The following FSHR variants were observed in gnomAD, a reference collection of about 807,000 sequenced individuals.
FSHR encodes the protein follicle stimulating hormone receptor, also known as follicle-stimulating hormone receptor.
Under a neutral mutation model 52.1 loss-of-function variants are expected in FSHR, and 46 were observed. That is an observed-to-expected ratio of 0.88 (90% CI 0.70 to 1.13). The LOEUF is 1.13. FSHR is among the 50% of genes most tolerant of loss of function. FSHR has a pLI of 0.00. For synonymous variants in FSHR, 399 were observed against 309.6 expected, an observed-to-expected ratio of 1.29 and a Z score of -3.03; for missense variants, 964 against 834.6, an observed-to-expected ratio of 1.16 and a Z score of -1.91.
intron 2 of FSHR, among the ~76,000 whole-genome samples, chr2:49,033,409 C>G (rs1457494673): frequency 6.6e-6 from 1 of 152,132 alleles, no homozygotes; most frequent in African/African-American, 2.4e-5. Context: ...GTTGGTTTTT[C>G]TTTCTTCTAG....
intron 8 of FSHR, among the ~76,000 whole-genome samples, chr2:48,976,869 C>G (rs955376064): frequency 2.6e-5 from 4 of 152,060 alleles, no homozygotes; most frequent in African/African-American, 4.8e-5. Flanking sequence ...TGATTCTTCT[C>G]TCTTTTATTC....
At chr2:49,015,417 T>C (rs1440410265) in intron 4 of FSHR, among the ~76,000 whole-genome samples, 1 of 152,208 alleles carries the variant, frequency 6.6e-6, no homozygotes, top group African/African-American at 2.4e-5. Flanking sequence ...ATAATTATTC[T>C]ACAAATACAT....
At chr2:49,018,556 G>A (rs2104214895) in intron 3 of FSHR, among the ~76,000 whole-genome samples, 1 of 152,308 alleles carries the variant, frequency 6.6e-6, no homozygotes, top group African/African-American at 2.4e-5. Flanking sequence ...CCATTGAAAT[G>A]TTTCAAGGGA....
At chr2:49,100,489 T>A (rs943241514) in intron 1 of FSHR, among the ~76,000 whole-genome samples, 4 of 152,164 alleles carry the variant, frequency 2.6e-5, no homozygotes, top group African/African-American at 7.2e-5. Flanking sequence ...TGGAAAAGAA[T>A]TTTCATTCTG....
chr2:49,131,406 G>C (rs1347716318), intron 1 of FSHR, among the ~76,000 whole-genome samples: 1 of 152,132 alleles, frequency 6.6e-6, no homozygotes, highest in Non-Finnish European at 1.5e-5. Context: ...AGTGTGATCT[G>C]AGCTAGTCCA....
In FSHR at chr2:49,001,965, T is replaced by C. The variant is rs1003262042; in HGVS notation, c.375-11328A>G. Among the ~76,000 whole-genome samples, 4 of 152,256 alleles carry C rather than the reference T, an allele frequency of 2.6e-5. No homozygotes were observed. The East Asian group carries it at 5.8e-4, about 22-fold the overall frequency. On this transcript the variant is annotated intron_variant, in intron 4 of 9. Transcript: ENST00000406846. ...TGGAAGGTAACTTGGGTGAACAGAA[T>C]GCTTAGTTCAGAATCTGCCATCTAG...
intron 4 of FSHR, among the ~76,000 whole-genome samples, chr2:48,998,103 G>A (rs1676102825): frequency 6.6e-6 from 1 of 152,058 alleles, no homozygotes; most frequent in South Asian, 2.1e-4. Flanking sequence ...ACTACCTAGA[G>A]TTGATAAATT....
In FSHR at chr2:49,144,090, C is replaced by A. The variant is rs1504180; in HGVS notation, c.152+10176G>T. Among the ~76,000 whole-genome samples, 9 of 151,896 alleles carry A rather than the reference C, an allele frequency of 5.9e-5. No individual in the cohort carries two copies. The East Asian group carries it at 7.8e-4, about 13-fold the overall frequency. ...ACTTGAGGATGCCAGGTGCCACTTA[C>A]GACTGTTGGATGCTGAGACCCTAGT... On this transcript the variant is annotated intron_variant, in intron 1 of 9. Coordinates refer to ENST00000406846, the MANE Select transcript of FSHR (RefSeq NM_000145.4).
At chr2:49,101,347 G>A (rs1425299254) in intron 1 of FSHR, among the ~76,000 whole-genome samples, 1 of 152,040 alleles carries the variant, frequency 6.6e-6, no homozygotes, top group African/African-American at 2.4e-5. Flanking sequence ...ATAATAGGGT[G>A]GAGTCCCTCC....
intron 8 of FSHR, among the ~76,000 whole-genome samples, chr2:48,982,576 G>A (rs954337306): frequency 6.6e-6 from 1 of 152,080 alleles, no homozygotes; most frequent in Admixed American, 6.6e-5. Context: ...ACCTCTCCAG[G>A]GAAGCCAGTT....
intron 8 of FSHR, among the ~76,000 whole-genome samples, chr2:48,974,727 G>T (rs1194176972): frequency 3.5e-5 from 5 of 142,602 alleles, no homozygotes; most frequent in Non-Finnish European, 7.6e-5. Context: ...TATCTCCATG[G>T]ATTAAGAAAA....
At chr2:49,021,880 TATATATAGAGAGA>T (rs1667728688) in intron 2 of FSHR, among the ~76,000 whole-genome samples, 1 of 51,304 alleles carries the variant, frequency 1.9e-5, no homozygotes, top group Non-Finnish European at 3.9e-5. Flanking sequence ...TATATATATA[TATATATAGAGAGA>T]GAGAGAGAGA....
intron 4 of FSHR, among the ~76,000 whole-genome samples, chr2:48,990,976 C>T (rs1675747385): frequency 1.3e-5 from 2 of 151,982 alleles, no homozygotes; most frequent in African/African-American, 4.8e-5. Context: ...TCCCCTATTT[C>T]CAACCTCATC....
At chr2:49,061,770 A>AGT (rs1428977148) in intron 2 of FSHR, among the ~76,000 whole-genome samples, 16 of 140,162 alleles carry the variant, frequency 1.1e-4, no homozygotes, top group Admixed American at 3.0e-4. Flanking sequence ...ATAACTATAT[A>AGT]TAACTCTATA....
At chr2:49,116,104 A>C (rs1351737076) in intron 1 of FSHR, among the ~76,000 whole-genome samples, 1 of 152,178 alleles carries the variant, frequency 6.6e-6, no homozygotes, top group Non-Finnish European at 1.5e-5. Context: ...TAATTGTAGC[A>C]GAGTCATCAT....
intron 6 of FSHR, among the ~76,000 whole-genome samples, chr2:48,984,788 C>T (rs987133511): frequency 1.3e-5 from 2 of 152,110 alleles, no homozygotes; most frequent in Non-Finnish European, 2.9e-5. Flanking sequence ...ATTAATATTT[C>T]TTGCATATTA....
At chr2:49,022,751 G>A (rs1171884666) in intron 2 of FSHR, among the ~76,000 whole-genome samples, 1 of 152,108 alleles carries the variant, frequency 6.6e-6, no homozygotes, top group East Asian at 1.9e-4. Flanking sequence ...AAGGGGATAC[G>A]ATGAGATCAT....
chr2:49,098,903 G>A (rs1268486636), intron 1 of FSHR, among the ~76,000 whole-genome samples: 1 of 144,900 alleles, frequency 6.9e-6, no homozygotes, highest in African/African-American at 2.6e-5. Context: ...TTATATAAGT[G>A]TATGTATGTA....
At chr2:49,124,623 A>G (rs1221314093) in intron 1 of FSHR, among the ~76,000 whole-genome samples, 1 of 152,072 alleles carries the variant, frequency 6.6e-6, no homozygotes, top group African/African-American at 2.4e-5. Context: ...GTCCCCAATT[A>G]GACTTGTCAG....
Sources: allele counts gnomAD v4.1 joint callset (sites outside exome capture counted in the v4.1 genomes callset), GRCh38; gene constraint gnomAD v4.1.1; transcripts MANE v1.5; gene names NCBI Gene and HGNC (gene_info 2026-07-23, HGNC 2026-07-21).